ACBD6: variants seen among roughly 807,000 people sequenced by gnomAD.
The protein encoded by ACBD6 is acyl-CoA-binding domain-containing protein 6.
In ACBD6, 28 loss-of-function variants were observed where a neutral mutation model predicts 37.2. The ratio of observed to expected loss-of-function variants is 0.75; its 90% CI spans 0.56 to 1.03. The LOEUF is 1.03. ACBD6 is among the 50% of genes least tolerant of loss of function. The pLI, the probability that ACBD6 is intolerant of heterozygous loss-of-function variation, is 0.00. For synonymous variants in ACBD6, 113 were observed against 126.8 expected (o/e 0.89, Z 0.73); for missense variants, 340 against 337.4 (o/e 1.01, Z -0.06).
chr1:180,357,376 G>GC (rs1325051434), intron 6 of ACBD6, among the ~76,000 whole-genome samples: 1 of 152,158 alleles, frequency 6.6e-6, no homozygotes, highest in Non-Finnish European at 1.5e-5. Flanking sequence ...TAAAGAAACG[G>GC]TAAGTCTTGA....
intron 3 of ACBD6, among the ~76,000 whole-genome samples, chr1:180,477,702 AT>A (rs1234371298): frequency 1.3e-5 from 2 of 152,326 alleles, no homozygotes; most frequent in African/African-American, 4.8e-5. Flanking sequence ...GAAATGTTTT[AT>A]TAAAATCAGG....
intron 7 of ACBD6, among the ~76,000 whole-genome samples, chr1:180,291,038 C>T (rs1649688000): frequency 6.6e-6 from 1 of 152,230 alleles, no homozygotes; most frequent in Non-Finnish European, 1.5e-5. Flanking sequence ...GTCTCTTTCA[C>T]TTAGCATGTT....
intron 6 of ACBD6, among the ~76,000 whole-genome samples, chr1:180,392,272 T>G (rs1392753061): frequency 8.9e-6 from 1 of 112,284 alleles, no homozygotes; most frequent in Non-Finnish European, 2.2e-5. Flanking sequence ...GATGTGTGTG[T>G]GTGTGTGTGT....
At chr1:180,391,765 T>C (rs10913980) in intron 6 of ACBD6, among the ~76,000 whole-genome samples, 1 of 151,882 alleles carries the variant, frequency 6.6e-6, no homozygotes, top group Non-Finnish European at 1.5e-5. Flanking sequence ...AGGTTAAACA[T>C]AGAGCTATGC....
At chr1:180,282,186 T>C (rs904138378) in intron 8 of ACBD6, among the ~76,000 whole-genome samples, 1 of 152,258 alleles carries the variant, frequency 6.6e-6, no homozygotes, top group Non-Finnish European at 1.5e-5. Flanking sequence ...ACAAGGCTCA[T>C]AGAGGCTGAG....
At chr1:180,451,126 A>T (rs960646693) in intron 3 of ACBD6, among the ~76,000 whole-genome samples, 1 of 152,222 alleles carries the variant, frequency 6.6e-6, no homozygotes, top group Non-Finnish European at 1.5e-5. Context: ...AAAGATATAC[A>T]AATGGCCAAT....
chr1:180,345,681 T>G (rs1266491497), intron 6 of ACBD6, among the ~76,000 whole-genome samples: 1 of 152,134 alleles, frequency 6.6e-6, no homozygotes, highest in Non-Finnish European at 1.5e-5. Flanking sequence ...ATTTATAACT[T>G]AGAACATCAT....
At chr1:180,496,311 A>G (rs543463053) in intron 1 of ACBD6, among the ~76,000 whole-genome samples, 33 of 152,250 alleles carry the variant, frequency 2.2e-4, no homozygotes, top group Non-Finnish European at 4.1e-4. Context: ...TTTACTCTAT[A>G]TATCTTTTAT....
intron 3 of ACBD6, among the ~76,000 whole-genome samples, chr1:180,469,042 A>G (rs746386568): frequency 7.2e-5 from 11 of 152,196 alleles, no homozygotes; most frequent in Non-Finnish European, 1.3e-4. Context: ...TTATTACTAC[A>G]GGGTTTTGAC....
At chr1:180,424,822 C>G (rs1265504040) in intron 4 of ACBD6, among the ~76,000 whole-genome samples, 1 of 152,048 alleles carries the variant, frequency 6.6e-6, no homozygotes, top group African/African-American at 2.4e-5. Flanking sequence ...ATGAATGACC[C>G]TTGGTTCAGA....
intron 10 of ACBD6, chr1:180,274,398 A>G: frequency 1.2e-6 from 2 of 1,614,146 alleles, no homozygotes; most frequent in South Asian, 1.1e-5. Flanking sequence ...AATGGGCTGG[A>G]TTACACGGTG....
At chr1:180,422,781 T>C (rs6425634) in intron 4 of ACBD6, among the ~76,000 whole-genome samples, 14,608 of 152,208 alleles carry the variant, frequency 0.096, 1,010 homozygotes, top group East Asian at 0.36. Context: ...TTTACTGTTA[T>C]ACGCAGTTTA....
chr1:180,322,776 TTTTA>T (rs1651122937), intron 6 of ACBD6, among the ~76,000 whole-genome samples: 1 of 151,656 alleles, frequency 6.6e-6, no homozygotes, highest in African/African-American at 2.4e-5. Context: ...AGTTGGTCAA[TTTTA>T]TTTGTCTTTT....
chr1:180,372,598 C>T (rs1653300135), intron 6 of ACBD6, among the ~76,000 whole-genome samples: 1 of 152,132 alleles, frequency 6.6e-6, no homozygotes, highest in Non-Finnish European at 1.5e-5. Flanking sequence ...CAAGATTAAT[C>T]AACGTCGCAA....
At chr1:180,356,291 C>G (rs1024279403) in intron 6 of ACBD6, among the ~76,000 whole-genome samples, 6 of 152,062 alleles carry the variant, frequency 3.9e-5, no homozygotes, top group African/African-American at 1.4e-4. Context: ...GCCACCTCAG[C>G]CTTCCAAGTA....
intron 6 of ACBD6, among the ~76,000 whole-genome samples, chr1:180,379,042 G>C (rs1298674039): frequency 6.6e-6 from 1 of 151,996 alleles, no homozygotes; most frequent in Non-Finnish European, 1.5e-5. Flanking sequence ...CCAATGCCAG[G>C]GTACACCACC....
At chr1:180,491,442 C>A (rs1651499426) in intron 3 of ACBD6, among the ~76,000 whole-genome samples, 1 of 152,154 alleles carries the variant, frequency 6.6e-6, no homozygotes, top group Admixed American at 6.6e-5. Flanking sequence ...TGAACAATAT[C>A]CAATGCTTCC....
intron 4 of ACBD6, 141 bp downstream of exon 4, chr1:180,430,036 TAAG>T (rs1226852711): frequency 2.9e-5 from 20 of 697,058 alleles, no homozygotes; most frequent in Non-Finnish European, 3.6e-5. Flanking sequence ...AGTTTCATGT[TAAG>T]AAGGAATGCT....
At chr1:180,487,569 G>A (rs920163320) in intron 3 of ACBD6, among the ~76,000 whole-genome samples, 2 of 152,056 alleles carry the variant, frequency 1.3e-5, no homozygotes, top group South Asian at 4.1e-4. Context: ...TTGTGTTCAA[G>A]TAACCATTAT....
Sources: gnomAD v4.1 joint callset for allele counts (sites outside exome capture counted in the v4.1 genomes callset) on GRCh38, gnomAD v4.1.1 for gene constraint, MANE v1.5 for transcripts, NCBI Gene and HGNC (gene_info 2026-07-23, HGNC 2026-07-21) for gene names.